The following ASDURF variants were observed in gnomAD, a reference collection of about 807,000 sequenced individuals.
The protein encoded by ASDURF is ASNSD1 upstream open reading frame, also known as ASDURF protein.
A neutral mutation model predicts 3.3 loss-of-function variants in ASDURF; 3 were observed. The ratio of observed to expected loss-of-function variants is 0.92; its 90% CI spans 0.42 to 2.37. The LOEUF (loss-of-function observed/expected upper bound fraction) is 2.37, where lower values mean the gene tolerates loss of function less well. ASDURF is among the 30% of genes most tolerant of loss of function. ASDURF has a pLI of 0.05. For missense variants in ASDURF, 23 were observed against 25.4 expected, an observed-to-expected ratio of 0.90 and a Z score of 0.21; for synonymous variants, 11 against 8.3, an observed-to-expected ratio of 1.32 and a Z score of -0.55.
chr2:189,665,650 T>A lies in ASDURF; in HGVS notation c.220+199T>A, dbSNP rs1333885830. On this transcript the variant is annotated intron_variant, in intron 3 of 3. Coordinates refer to ENST00000607829, the MANE Select transcript of ASDURF (RefSeq NM_001353493.2). Reference sequence around the variant, plus strand: ...TATATATATATATATATATATATTATAAATGTTTTAGAAAGCAATAGTTAT... The same window carrying A: ...TATATATATATATATATATATATTAAAAATGTTTTAGAAAGCAATAGTTAT... Among the ~76,000 whole-genome samples, 2 of 129,688 alleles carry A rather than the reference T, an allele frequency of 1.5e-5. 1 individual carries two copies. The highest frequency in any genetic ancestry group is 1.6e-4 in the Admixed American group (2 of 12,552). 85.1% of individuals were successfully genotyped at this position (129,688 alleles called of 152,430 possible).
At chr2:189,664,046 T>C (rs1310507065) in intron 2 of ASDURF, 92 bp downstream of exon 2, 7 of 349,146 alleles carry the variant, frequency 2.0e-5, no homozygotes. Context: ...TAAGATTTAA[T>C]CATACTTTAA....
chr2:189,666,056 T>C lies in ASDURF; in HGVS notation c.236T>C (p.Leu79Pro). The change falls in exon 4 of 4, where the codon CTG (leucine) becomes CCG (proline). Residue 79 changes from leucine to proline, a missense_variant. Leu to Pro is a moderately conservative substitution (Grantham distance 98, BLOSUM62 -3). Transcript: ENST00000607829. ...LSESKNILDE[L>P]KKEYQEIENL... ...CCTGCAACAGATATATTGGATGAACTGAAAAAAGAATACCAAGAAATAGAA... is the reference window on the plus strand; with the variant it reads ...CCTGCAACAGATATATTGGATGAACCGAAAAAAGAATACCAAGAAATAGAA... The C allele has an allele frequency of 7.0e-7, 1 of 1,434,764 alleles. No individual in the cohort carries two copies. Among genetic ancestry groups the C allele is most frequent in the Non-Finnish European group, 9.3e-7 (1 of 1,074,208 alleles). The allele number at this position is 1,434,764 out of a possible 1,614,324, so 88.9% of individuals were successfully genotyped here. A position where few individuals can be genotyped will look rare whatever the true frequency, so the allele number is the denominator to read the frequency against.
chr2:189,665,316 G>A, intron 2 of ASDURF, 60 bp from the exon 3 acceptor site: 1 of 388,172 alleles, frequency 2.6e-6, no homozygotes, highest in Non-Finnish European at 4.6e-6. Context: ...TAGGGTTTAA[G>A]GATTTTAATA....
chr2:189,664,971 G>A (rs1455806149), intron 2 of ASDURF, among the ~76,000 whole-genome samples: 1 of 152,136 alleles, frequency 6.6e-6, no homozygotes, highest in Non-Finnish European at 1.5e-5. Context: ...CACCTTAAAT[G>A]TCTAGTATTT....
chr2:189,666,328 G>A lies in ASDURF; in HGVS notation c.*217G>A. 12 of 1,613,880 alleles carry A rather than the reference G, an allele frequency of 7.4e-6. No homozygotes were observed. Among genetic ancestry groups the A allele is most frequent in the Non-Finnish European group, 1.0e-5 (12 of 1,179,886 alleles). On this transcript the variant is annotated 3_prime_UTR_variant, in exon 4 of 4. Transcript: ENST00000607829. The stretch of plus-strand genomic sequence containing the variant: ...GGGTGTTTTGACTACCCAGCCTGTG[G>A]AAGATGAAAGAGGCAATGTGTTTCT...
In ASDURF at chr2:189,663,881, G is replaced by A. The variant is rs1435483598; in HGVS notation, c.91-20G>A. 2.6e-6 allele frequency: 1 copy of A among 386,062 alleles called. No individual in the cohort carries two copies. The highest frequency in any genetic ancestry group is 4.6e-6 in the Non-Finnish European group (1 of 217,180). The allele number at this position is 386,062 out of a possible 1,614,324, so 23.9% of individuals were successfully genotyped here. ...ACTTTGAAAACATCTGACTTAAGGAGTTTTTCTTTATTTCAATAGATTAAA... is the reference window on the plus strand; with the variant it reads ...ACTTTGAAAACATCTGACTTAAGGAATTTTTCTTTATTTCAATAGATTAAA... On this transcript the variant is annotated intron_variant, in intron 1 of 3. Transcript: ENST00000607829.
chr2:189,665,204 CA>C (rs1398928200), intron 2 of ASDURF, among the ~76,000 whole-genome samples, 171 bp from the exon 3 acceptor site: 1 of 151,978 alleles, frequency 6.6e-6, no homozygotes, highest in Non-Finnish European at 1.5e-5. Flanking sequence ...TCAGTAGTAG[CA>C]ATTTCTGGTA....
intron 1 of ASDURF, among the ~76,000 whole-genome samples, chr2:189,662,422 G>A (rs2032688968): frequency 6.6e-6 from 1 of 152,188 alleles, no homozygotes; most frequent in East Asian, 1.9e-4. Flanking sequence ...AAAGTGAAAT[G>A]TACACCTGTC....
intron 1 of ASDURF, 140 bp from the exon 2 acceptor site, chr2:189,663,761 A>G (rs1390344011): frequency 3.0e-6 from 1 of 333,688 alleles, no homozygotes. Flanking sequence ...TGATCTGTAT[A>G]TTCACAAACT....
chr2:189,664,740 CCTT>C (rs2032746088), intron 2 of ASDURF, among the ~76,000 whole-genome samples: 1 of 151,192 alleles, frequency 6.6e-6, no homozygotes, highest in Non-Finnish European at 1.5e-5. Flanking sequence ...GAGCAGGACT[CCTT>C]CTCAAAAAAA....
At chr2:189,662,129 C>T (rs2032680698) in intron 1 of ASDURF, among the ~76,000 whole-genome samples, 1 of 152,216 alleles carries the variant, frequency 6.6e-6, no homozygotes, top group African/African-American at 2.4e-5. Context: ...AGCGGTCTCT[C>T]CTCATCCACC....
Position 189,666,187 on chromosome 2 carries a change from T to G in ASDURF, c.*76T>G. On this transcript the variant is annotated 3_prime_UTR_variant, in exon 4 of 4. Transcript: ENST00000607829. ...TTCTGCTGAGCATTTCAGTCAAGAT[T>G]TAAAAGAGGACTTACTATATAATCT... The G allele has an allele frequency of 6.2e-7, 1 of 1,606,336 alleles. No individual in the cohort carries two copies. The highest frequency in any genetic ancestry group is 8.5e-7 in the Non-Finnish European group (1 of 1,177,330).
intron 2 of ASDURF, among the ~76,000 whole-genome samples, chr2:189,664,191 T>C (rs1327297433): frequency 6.6e-6 from 1 of 152,228 alleles, no homozygotes; most frequent in Admixed American, 6.5e-5. Flanking sequence ...CAAATGATAC[T>C]AGTTGTATTT....
intron 3 of ASDURF, among the ~76,000 whole-genome samples, 179 bp downstream of exon 3, chr2:189,665,630 A>ATGTGTG (rs1553502080): frequency 1.0e-5 from 1 of 97,546 alleles, no homozygotes; most frequent in Non-Finnish European, 2.2e-5. Flanking sequence ...ATATATATAT[A>ATGTGTG]TATATATATA....
At chr2:189,665,606 A>ATATATATATACATATATATATATG (rs2032774696) in intron 3 of ASDURF, among the ~76,000 whole-genome samples, 155 bp downstream of exon 3, 4 of 9,064 alleles carry the variant, frequency 4.4e-4, no homozygotes, top group African/African-American at 8.2e-4. Context: ...GTGTATATAT[A>ATATATATATACATATATATATATG]TATATATATA....
intron 1 of ASDURF, among the ~76,000 whole-genome samples, chr2:189,662,155 C>T (rs1054133353): frequency 4.6e-5 from 7 of 152,256 alleles, no homozygotes; most frequent in African/African-American, 1.7e-4. Flanking sequence ...GCTGCTGCTT[C>T]TCCGTTAACC....
At chr2:189,663,039 C>G (rs1377739667) in intron 1 of ASDURF, among the ~76,000 whole-genome samples, 8 of 149,736 alleles carry the variant, frequency 5.3e-5, no homozygotes, top group Non-Finnish European at 1.5e-5. Flanking sequence ...CAAGATGGAA[C>G]ATGATAGGTC....
rs2032794234 is a variant in ASDURF at position 189,666,077 on chromosome 2, T to C, written c.257T>C (p.Ile86Thr). ...LDELKKEYQE[I>T]ENLDKTKIKK ...GAACTGAAAAAAGAATACCAAGAAA[T>C]AGAAAACTTAGACAAGACCAAAATC... Residue 86 changes from isoleucine (I) to threonine (T), a missense_variant, in exon 4 of 4, where the codon ATA becomes ACA. Ile to Thr is a moderately conservative substitution (Grantham distance 89). Transcript: ENST00000607829. 5 of 1,466,714 alleles carry C rather than the reference T, an allele frequency of 3.4e-6. No homozygotes were observed. The highest frequency in any genetic ancestry group is 1.4e-5 in the African/African-American group (1 of 70,634). The allele number at this position is 1,466,714 out of a possible 1,614,324, so 90.9% of individuals were successfully genotyped here.
In ASDURF at chr2:189,663,706, A is replaced by G. The variant is rs531889082; in HGVS notation, c.91-195A>G. Among the ~76,000 whole-genome samples, 4 of 152,168 alleles carry G rather than the reference A, an allele frequency of 2.6e-5. No homozygotes were observed. In the South Asian group the frequency reaches 8.3e-4, roughly 31 times the overall value. On this transcript the variant is annotated intron_variant, in intron 1 of 3. Coordinates refer to ENST00000607829, the MANE Select transcript of ASDURF (RefSeq NM_001353493.2). ...GTCTAATCACTGTTTTTTCTCCTCC[A>G]GCTTTTCCTGAACTGTACCCCCACA... is the stretch of plus-strand genomic sequence containing the variant.
Sources: gnomAD v4.1 joint callset for allele counts (sites outside exome capture counted in the v4.1 genomes callset) on GRCh38, gnomAD v4.1.1 for gene constraint, MANE v1.5 for transcripts, NCBI Gene and HGNC (gene_info 2026-07-23, HGNC 2026-07-21) for gene names.